Variants in ST6GALNAC3 observed in about 807,000 individuals in gnomAD.
The protein encoded by ST6GALNAC3 is ST6 N-acetylgalactosaminide alpha-2,6-sialyltransferase 3.
A neutral mutation model predicts 32.7 loss-of-function variants in ST6GALNAC3; 25 were observed. The ratio of observed to expected loss-of-function variants is 0.76; its 90% CI spans 0.56 to 1.07. The LOEUF (loss-of-function observed/expected upper bound fraction) is 1.07, where lower values mean the gene tolerates loss of function less well. Ranked by LOEUF, ST6GALNAC3 falls within the 50% of genes least tolerant of loss-of-function variation. ST6GALNAC3 has a pLI of 0.00. For synonymous variants in ST6GALNAC3, 129 were observed against 133.1 expected, an observed-to-expected ratio of 0.97 and a Z score of 0.21; for missense variants, 355 against 382.4, an observed-to-expected ratio of 0.93 and a Z score of 0.60.
chr1:76,234,429 C>T (rs1377203221), intron 1 of ST6GALNAC3, among the ~76,000 whole-genome samples: 1 of 152,196 alleles, frequency 6.6e-6, no homozygotes, highest in Non-Finnish European at 1.5e-5. Flanking sequence ...GAGTCTTTTC[C>T]AGTGGGACTT....
intron 3 of ST6GALNAC3, among the ~76,000 whole-genome samples, chr1:76,601,368 T>A (rs990254653): frequency 2.2e-4 from 33 of 152,232 alleles, no homozygotes; most frequent in African/African-American, 8.0e-4. Context: ...GATGGAAGTA[T>A]GTAGTTATTT....
intron 1 of ST6GALNAC3, among the ~76,000 whole-genome samples, chr1:76,127,596 C>T (rs917170525): frequency 3.3e-5 from 5 of 152,188 alleles, no homozygotes; most frequent in African/African-American, 1.2e-4. Context: ...AAATATTTTA[C>T]ATGGATTATG....
chr1:76,476,341 C>A (rs995822671), intron 3 of ST6GALNAC3, among the ~76,000 whole-genome samples: 1 of 152,102 alleles, frequency 6.6e-6, no homozygotes, highest in Non-Finnish European at 1.5e-5. Context: ...AAAAACTATT[C>A]CTAGCTCATA....
At chr1:76,165,400 T>G (rs750141300) in intron 1 of ST6GALNAC3, among the ~76,000 whole-genome samples, 1 of 152,076 alleles carries the variant, frequency 6.6e-6, no homozygotes, top group Non-Finnish European at 1.5e-5. Flanking sequence ...GTACCATGTT[T>G]TCTTTATCCA....
intron 1 of ST6GALNAC3, among the ~76,000 whole-genome samples, chr1:76,205,058 C>T (rs2100552847): frequency 6.6e-6 from 1 of 152,290 alleles, no homozygotes; most frequent in South Asian, 2.1e-4. Flanking sequence ...CTGTGGGACC[C>T]TTGAGGTCAG....
chr1:76,264,067 C>T (rs1658396515), intron 1 of ST6GALNAC3, among the ~76,000 whole-genome samples: 1 of 152,100 alleles, frequency 6.6e-6, no homozygotes, highest in South Asian at 2.1e-4. Context: ...GTACAATATA[C>T]AGAAACAATT....
chr1:76,456,746 A>T (rs1370837680), intron 3 of ST6GALNAC3, among the ~76,000 whole-genome samples: 1 of 152,166 alleles, frequency 6.6e-6, no homozygotes, highest in Non-Finnish European at 1.5e-5. Flanking sequence ...AGCCAATATC[A>T]TACTGAATGG....
chr1:76,133,225 T>C (rs928573602), intron 1 of ST6GALNAC3, among the ~76,000 whole-genome samples: 1 of 152,186 alleles, frequency 6.6e-6, no homozygotes, highest in African/African-American at 2.4e-5. Context: ...TTTCCTTATC[T>C]TGCTGCCAGA....
intron 3 of ST6GALNAC3, among the ~76,000 whole-genome samples, chr1:76,599,717 CGTGTGTGTGTGTGTGTGTGT>C (rs5775354): frequency 7.7e-5 from 11 of 142,102 alleles, no homozygotes; most frequent in Admixed American, 1.4e-4. Flanking sequence ...ACTACCGTAT[CGTGTGTGTGTGTGTGTGTGT>C]GTGTGTGTGT....
At chr1:76,211,789 G>GT (rs1002022933) in intron 1 of ST6GALNAC3, among the ~76,000 whole-genome samples, 104 of 152,046 alleles carry the variant, frequency 6.8e-4, no homozygotes, top group African/African-American at 2.4e-3. Flanking sequence ...CTGTTGTGGG[G>GT]TGGGGGGAGC....
At chr1:76,351,303 C>T (rs1648959704) in intron 2 of ST6GALNAC3, among the ~76,000 whole-genome samples, 1 of 152,086 alleles carries the variant, frequency 6.6e-6, no homozygotes, top group Non-Finnish European at 1.5e-5. Flanking sequence ...ATGTGTGGGC[C>T]TAAATATCCT....
intron 2 of ST6GALNAC3, among the ~76,000 whole-genome samples, chr1:76,401,717 G>C (rs1349839223): frequency 6.6e-6 from 1 of 152,076 alleles, no homozygotes; most frequent in Non-Finnish European, 1.5e-5. Flanking sequence ...TCAAAACTGA[G>C]GTTATCAGAC....
intron 1 of ST6GALNAC3, among the ~76,000 whole-genome samples, chr1:76,193,856 C>A (rs1654046627): frequency 6.6e-6 from 1 of 152,156 alleles, no homozygotes; most frequent in Admixed American, 6.5e-5. Flanking sequence ...TTACTGTATC[C>A]TCACGTGGTA....
chr1:76,634,041 TC>T lies in ST6GALNAC3; in HGVS notation c.*5236del. 1 of 473,822 alleles carries T rather than the reference TC, an allele frequency of 2.1e-6. No individual in the cohort carries two copies. The highest frequency in any genetic ancestry group is 2.8e-6 in the Non-Finnish European group (1 of 362,738). 29.4% of individuals were successfully genotyped at this position (473,822 alleles called of 1,614,324 possible). A position where few individuals can be genotyped will look rare whatever the true frequency, so the allele number is the denominator to read the frequency against. ...TGCAGAAAATCTCATTTAGTTTTTT[TC>T]TTTTTTTTTTTCAGTTAACTACTTG... is the stretch of plus-strand genomic sequence containing the variant. On this transcript the variant is annotated 3_prime_UTR_variant, in exon 5 of 5. Coordinates refer to ENST00000328299, the MANE Select transcript of ST6GALNAC3 (RefSeq NM_152996.4).
chr1:76,235,689 G>A (rs1041982971), intron 1 of ST6GALNAC3, among the ~76,000 whole-genome samples: 4 of 149,162 alleles, frequency 2.7e-5, no homozygotes, highest in African/African-American at 9.9e-5. Flanking sequence ...GTTTACTAGG[G>A]CTATGGTAAC....
At chr1:76,353,174 C>A (rs1244509034) in intron 2 of ST6GALNAC3, among the ~76,000 whole-genome samples, 1 of 152,186 alleles carries the variant, frequency 6.6e-6, no homozygotes, top group African/African-American at 2.4e-5. Context: ...GAACCATGCT[C>A]CCATCTCCTC....
chr1:76,607,029 C>A (rs1366485961), intron 3 of ST6GALNAC3, among the ~76,000 whole-genome samples: 1 of 152,106 alleles, frequency 6.6e-6, no homozygotes, highest in African/African-American at 2.4e-5. Context: ...CTGGGCCTCT[C>A]ATAATTTCTG....
At chr1:76,441,905 C>T (rs943357789) in intron 3 of ST6GALNAC3, among the ~76,000 whole-genome samples, 3 of 152,200 alleles carry the variant, frequency 2.0e-5, no homozygotes, top group African/African-American at 7.2e-5. Context: ...TCTTTGATGT[C>T]AGCCACAATC....
intron 1 of ST6GALNAC3, among the ~76,000 whole-genome samples, chr1:76,112,942 C>T (rs1331312699): frequency 2.6e-5 from 4 of 151,970 alleles, no homozygotes; most frequent in Non-Finnish European, 5.9e-5. Context: ...GGGTGGCGGC[C>T]GGGCAGAGGC....
Sources: allele counts gnomAD v4.1 joint callset (sites outside exome capture counted in the v4.1 genomes callset), GRCh38; gene constraint gnomAD v4.1.1; transcripts MANE v1.5; gene names NCBI Gene and HGNC (gene_info 2026-07-23, HGNC 2026-07-21).